The following PLCG2 variants were observed in gnomAD, a reference collection of about 807,000 sequenced individuals.
The protein encoded by PLCG2 is 1-phosphatidylinositol 4,5-bisphosphate phosphodiesterase gamma-2.
Under a neutral mutation model 175.6 loss-of-function variants are expected in PLCG2, and 69 were observed. That is an observed-to-expected ratio of 0.39 (90% CI 0.32 to 0.48). The LOEUF is 0.48. Ranked by LOEUF, PLCG2 falls within the 20% of genes least tolerant of loss-of-function variation. The pLI is 0.91. For missense variants in PLCG2, 1,798 were observed against 1,650.9 expected (o/e 1.09, Z -1.54); for synonymous variants, 827 against 624.0 (o/e 1.33, Z -4.85).
intron 9 of PLCG2, 94 bp downstream of exon 9, chr16:81,883,435 C>G (rs565528737): frequency 1.1e-6 from 1 of 950,328 alleles, no homozygotes; most frequent in Non-Finnish European, 1.7e-6. Flanking sequence ...CACCTGGTCA[C>G]CTGTGCTCAC....
At position 81,809,746 on chromosome 16, in the gene PLCG2, T is replaced by C. The variant is rs116489563; in HGVS notation, c.193+23564T>C. On this transcript the variant is annotated intron_variant, in intron 2 of 32. Coordinates refer to ENST00000564138, the MANE Select transcript of PLCG2 (RefSeq NM_002661.5). ...CCTCTTGCCCCTGATTGGCTAGCCT[T>C]GTCACTTCTGTCCTGATTCTAGAGG... 7.2e-3 allele frequency among the ~76,000 whole-genome samples: 1,061 copies of C among 148,172 alleles called. 10 individuals carry two copies. The highest frequency in any genetic ancestry group is 0.025 in the African/African-American group (1,009 of 39,856).
At chr16:81,820,374 C>G (rs899345717) in intron 2 of PLCG2, among the ~76,000 whole-genome samples, 4 of 152,188 alleles carry the variant, frequency 2.6e-5, no homozygotes, top group Non-Finnish European at 5.9e-5. Flanking sequence ...TTGAGTCATC[C>G]AGGATTTTTC....
At chr16:81,938,486 G>T in intron 28 of PLCG2, 1 of 374,098 alleles carries the variant, frequency 2.7e-6, no homozygotes, top group East Asian at 4.4e-5. Flanking sequence ...TGGAAATCCA[G>T]TGATTAAGCT....
At chr16:81,953,285 C>T (rs1450769786) in intron 31 of PLCG2, among the ~76,000 whole-genome samples, 3 of 152,086 alleles carry the variant, frequency 2.0e-5, no homozygotes, top group Non-Finnish European at 4.4e-5. Flanking sequence ...TGAATAAGAT[C>T]TGTAGTTTTA....
chr16:81,872,451 G>T (rs1907561939), intron 7 of PLCG2, among the ~76,000 whole-genome samples: 1 of 152,200 alleles, frequency 6.6e-6, no homozygotes, highest in African/African-American at 2.4e-5. Context: ...GCTGGAAGGG[G>T]TTGGGAAGAT....
chr16:81,882,327 C>T (rs1482400026), intron 8 of PLCG2, among the ~76,000 whole-genome samples: 1 of 152,092 alleles, frequency 6.6e-6, no homozygotes, highest in African/African-American at 2.4e-5. Flanking sequence ...CTACCTGATA[C>T]CTAACCTCTG....
Position 81,960,509 on chromosome 16 carries a change from G to C in PLCG2, c.*2511G>C, listed in dbSNP as rs1409297198. 2 of 231,300 alleles carry C rather than the reference G, an allele frequency of 8.6e-6. No homozygotes were observed. Among genetic ancestry groups the C allele is most frequent in the South Asian group, 1.8e-4 (1 of 5,498 alleles). 14.3% of individuals were successfully genotyped at this position (231,300 alleles called of 1,614,324 possible). A position where few individuals can be genotyped will look rare whatever the true frequency, so the allele number is the denominator to read the frequency against. The stretch of plus-strand genomic sequence containing the variant: ...AAAAATAAAGTGGGGAGGCTGGTTA[G>C]GCCTTGTGAGTTTGGGAAACTTAGG... On this transcript the variant is annotated 3_prime_UTR_variant, in exon 33 of 33. Transcript: ENST00000564138.
At chr16:81,850,253 T>G (rs1255862558) in intron 2 of PLCG2, among the ~76,000 whole-genome samples, 1 of 152,210 alleles carries the variant, frequency 6.6e-6, no homozygotes, top group East Asian at 1.9e-4. Context: ...GTTTTATGGT[T>G]CTATAAGAAA....
At chr16:81,826,858 C>T (rs923076550) in intron 2 of PLCG2, among the ~76,000 whole-genome samples, 21 of 152,150 alleles carry the variant, frequency 1.4e-4, no homozygotes, top group African/African-American at 4.1e-4. Context: ...TGAGTAATTG[C>T]TGGGTTTTTA....
chr16:81,811,131 G>A (rs549071357), intron 2 of PLCG2, among the ~76,000 whole-genome samples: 3 of 152,174 alleles, frequency 2.0e-5, no homozygotes, highest in Non-Finnish European at 4.4e-5. Context: ...ATGGCACCAC[G>A]TATGACAGCA....
At chr16:81,939,678 C>T (rs1187093717) in intron 29 of PLCG2, among the ~76,000 whole-genome samples, 4 of 152,216 alleles carry the variant, frequency 2.6e-5, no homozygotes, top group Non-Finnish European at 4.4e-5. Context: ...TTCCTCTGCT[C>T]ACCAAGGGAC....
chr16:81,872,208 A>T (rs528011262), intron 7 of PLCG2, among the ~76,000 whole-genome samples: 180 of 152,208 alleles, frequency 1.2e-3, no homozygotes, highest in Non-Finnish European at 2.0e-3. Flanking sequence ...TGCACCCGTA[A>T]TCCCAGCTAC....
chr16:81,822,277 T>C (rs958777355), intron 2 of PLCG2, among the ~76,000 whole-genome samples: 1 of 152,086 alleles, frequency 6.6e-6, no homozygotes, highest in African/African-American at 2.4e-5. Context: ...TGTTGAAGGG[T>C]CGGCATAGGT....
At chr16:81,821,371 A>G (rs1904792242) in intron 2 of PLCG2, among the ~76,000 whole-genome samples, 1 of 152,338 alleles carries the variant, frequency 6.6e-6, no homozygotes, top group South Asian at 2.1e-4. Context: ...AGGTATTTCC[A>G]GTTTGGGGCT....
chr16:81,751,552 A>G (rs946055594), intron 1 of PLCG2, among the ~76,000 whole-genome samples: 3 of 152,194 alleles, frequency 2.0e-5, no homozygotes, highest in African/African-American at 7.2e-5. Context: ...GACCTATTGT[A>G]TGGCGTGGTA....
At chr16:81,814,266 A>ATAC (rs1306937762) in intron 2 of PLCG2, among the ~76,000 whole-genome samples, 1 of 152,198 alleles carries the variant, frequency 6.6e-6, no homozygotes, top group African/African-American at 2.4e-5. Flanking sequence ...ATAGGTAATA[A>ATAC]GGTCTTCTCA....
chr16:81,948,241 G>C (rs879861693), intron 31 of PLCG2, among the ~76,000 whole-genome samples: 1 of 152,200 alleles, frequency 6.6e-6, no homozygotes, highest in South Asian at 2.1e-4. Context: ...TTTCTCCTAA[G>C]TTGTCGTATT....
At chr16:81,773,764 C>T (rs1376803053) in intron 2 of PLCG2, among the ~76,000 whole-genome samples, 1 of 152,130 alleles carries the variant, frequency 6.6e-6, no homozygotes, top group Non-Finnish European at 1.5e-5. Context: ...CACAGCAGCC[C>T]TATTTACCAA....
At chr16:81,800,103 T>A (rs1233111108) in intron 2 of PLCG2, among the ~76,000 whole-genome samples, 1 of 152,210 alleles carries the variant, frequency 6.6e-6, no homozygotes, top group African/African-American at 2.4e-5. Context: ...CACTGGACTC[T>A]CATGAGGATT....
Sources: gnomAD v4.1 joint callset for allele counts (sites outside exome capture counted in the v4.1 genomes callset) on GRCh38, gnomAD v4.1.1 for gene constraint, MANE v1.5 for transcripts, NCBI Gene and HGNC (gene_info 2026-07-23, HGNC 2026-07-21) for gene names.